Variants in SLC24A3 observed in about 807,000 individuals in gnomAD.
SLC24A3 encodes solute carrier family 24 member 3, also known as sodium/potassium/calcium exchanger 3.
A neutral mutation model predicts 75.8 loss-of-function variants in SLC24A3; 28 were observed. The ratio of observed to expected loss-of-function variants is 0.37; its 90% CI spans 0.27 to 0.51. The LOEUF (loss-of-function observed/expected upper bound fraction) is 0.51, where lower values mean the gene tolerates loss of function less well. Among genes scored for constraint, SLC24A3 ranks in the 20% least tolerant of loss-of-function variants. The pLI is 0.94. For missense variants in SLC24A3, 663 were observed against 847.8 expected (o/e 0.78, Z 2.71); for synonymous variants, 372 against 334.1 (o/e 1.11, Z -1.24).
At chr20:19,258,258 T>C (rs765140942) in intron 1 of SLC24A3, among the ~76,000 whole-genome samples, 17 of 152,222 alleles carry the variant, frequency 1.1e-4, no homozygotes, top group Non-Finnish European at 1.5e-5. Context: ...TGAGCTCTTC[T>C]TCCCCATTCC....
intron 6 of SLC24A3, among the ~76,000 whole-genome samples, chr20:19,591,213 C>T (rs914045871): frequency 6.6e-6 from 1 of 152,170 alleles, no homozygotes; most frequent in Admixed American, 6.5e-5. Flanking sequence ...TTGATCTGGG[C>T]TCACAAAACG....
chr20:19,708,750 G>A (rs1400712357), intron 15 of SLC24A3, among the ~76,000 whole-genome samples: 2 of 152,196 alleles, frequency 1.3e-5, no homozygotes, highest in African/African-American at 4.8e-5. Flanking sequence ...CTTAATGAAC[G>A]AGGCTTCTCA....
chr20:19,416,342 C>T (rs1455068218), intron 2 of SLC24A3, among the ~76,000 whole-genome samples: 3 of 152,218 alleles, frequency 2.0e-5, no homozygotes, highest in Admixed American at 1.3e-4. Flanking sequence ...GCATTCGTAA[C>T]CACCCTGGGA....
At chr20:19,582,720 G>C (rs1297899891) in intron 4 of SLC24A3, among the ~76,000 whole-genome samples, 21 of 152,180 alleles carry the variant, frequency 1.4e-4, no homozygotes, top group Admixed American at 1.3e-3. Flanking sequence ...CCAGAGTTTA[G>C]AGAAATCCTA....
chr20:19,368,101 AGTGTGT>A (rs111902133), intron 2 of SLC24A3, among the ~76,000 whole-genome samples: 2 of 151,056 alleles, frequency 1.3e-5, no homozygotes, highest in East Asian at 3.9e-4. Flanking sequence ...TATGAATGTG[AGTGTGT>A]GTGTGTGTGT....
intron 1 of SLC24A3, among the ~76,000 whole-genome samples, chr20:19,239,420 G>A (rs1600388244): frequency 6.6e-6 from 1 of 152,234 alleles, no homozygotes; most frequent in African/African-American, 2.4e-5. Context: ...GGTGGGCTAG[G>A]AGATGGGGAA....
chr20:19,364,737 G>A (rs760495457), intron 2 of SLC24A3, among the ~76,000 whole-genome samples: 1 of 152,114 alleles, frequency 6.6e-6, no homozygotes, highest in Non-Finnish European at 1.5e-5. Flanking sequence ...TTACAGGCAT[G>A]AGCCACCGTA....
chr20:19,416,221 C>T (rs750903405), intron 2 of SLC24A3, among the ~76,000 whole-genome samples: 1 of 152,142 alleles, frequency 6.6e-6, no homozygotes, highest in Non-Finnish European at 1.5e-5. Flanking sequence ...GAAACCAAGG[C>T]ACAAAACACA....
chr20:19,264,449 GACTC>G (rs1983096687), intron 1 of SLC24A3, among the ~76,000 whole-genome samples: 1 of 152,092 alleles, frequency 6.6e-6, no homozygotes, highest in African/African-American at 2.4e-5. Flanking sequence ...GAGCCAGCTT[GACTC>G]ACTCAAAAGT....
At chr20:19,346,962 G>C (rs1600441115) in intron 2 of SLC24A3, among the ~76,000 whole-genome samples, 2 of 152,272 alleles carry the variant, frequency 1.3e-5, no homozygotes, top group South Asian at 2.1e-4. Context: ...AAATTTGGAA[G>C]CAACCAAGAT....
intron 2 of SLC24A3, among the ~76,000 whole-genome samples, chr20:19,364,363 T>A (rs1347863589): frequency 6.6e-6 from 1 of 152,066 alleles, no homozygotes; most frequent in East Asian, 1.9e-4. Flanking sequence ...TCTCCGTTGA[T>A]CTCAGGGCAA....
chr20:19,508,713 C>T (rs920730135), intron 2 of SLC24A3, among the ~76,000 whole-genome samples: 6 of 152,178 alleles, frequency 3.9e-5, no homozygotes, highest in Non-Finnish European at 7.3e-5. Flanking sequence ...TGGCGGGATG[C>T]ACTGAAAGGA....
chr20:19,304,534 T>C (rs751250341), intron 2 of SLC24A3, among the ~76,000 whole-genome samples: 4 of 152,168 alleles, frequency 2.6e-5, no homozygotes, highest in Non-Finnish European at 5.9e-5. Flanking sequence ...TAAGCTCCTC[T>C]CCCTAAGCCC....
chr20:19,271,717 T>C (rs1436064164), intron 1 of SLC24A3, among the ~76,000 whole-genome samples: 4 of 152,174 alleles, frequency 2.6e-5, no homozygotes, highest in Admixed American at 2.6e-4. Context: ...ACTATTATTC[T>C]CAGTGAAGTA....
chr20:19,673,277 A>G (rs1174611654), intron 8 of SLC24A3, among the ~76,000 whole-genome samples: 1 of 152,148 alleles, frequency 6.6e-6, no homozygotes, highest in African/African-American at 2.4e-5. Flanking sequence ...TCAGTGAATG[A>G]TTAAGCTGAG....
At chr20:19,336,704 C>G (rs567792330) in intron 2 of SLC24A3, among the ~76,000 whole-genome samples, 1 of 129,146 alleles carries the variant, frequency 7.7e-6, no homozygotes, top group African/African-American at 2.9e-5. Flanking sequence ...CCCCCCACCC[C>G]CCACCCCCTC....
intron 6 of SLC24A3, among the ~76,000 whole-genome samples, chr20:19,603,231 G>A (rs989491365): frequency 5.9e-5 from 9 of 152,162 alleles, no homozygotes; most frequent in Admixed American, 3.3e-4. Context: ...CTTAACTTTT[G>A]TGGGGGTTTT....
At chr20:19,395,972 G>A (rs1412542248) in intron 2 of SLC24A3, among the ~76,000 whole-genome samples, 5 of 152,092 alleles carry the variant, frequency 3.3e-5, no homozygotes, top group Non-Finnish European at 5.9e-5. Flanking sequence ...ACCCTGAGAT[G>A]GTTGGTTTGA....
At chr20:19,249,958 A>T (rs547824093) in intron 1 of SLC24A3, among the ~76,000 whole-genome samples, 2 of 152,302 alleles carry the variant, frequency 1.3e-5, no homozygotes, top group East Asian at 3.9e-4. Context: ...TGTTCTTTGG[A>T]GGAGTCTTTG....
Sources: gnomAD v4.1 joint callset for allele counts (sites outside exome capture counted in the v4.1 genomes callset) on GRCh38, gnomAD v4.1.1 for gene constraint, MANE v1.5 for transcripts, NCBI Gene and HGNC (gene_info 2026-07-23, HGNC 2026-07-21) for gene names.